The following ACTR6 variants were observed in gnomAD, a reference collection of about 807,000 sequenced individuals.
ACTR6 encodes actin-related protein 6.
ACTR6 carries 50 observed loss-of-function variants against 52.5 expected under a neutral mutation model. That is an observed-to-expected ratio of 0.95 (90% CI 0.76 to 1.20). The LOEUF (loss-of-function observed/expected upper bound fraction) is 1.20. Among genes scored for constraint, ACTR6 ranks in the 50% most tolerant of loss-of-function variants. ACTR6 has a pLI of 0.00. For synonymous variants in ACTR6, 135 were observed against 147.2 expected, an observed-to-expected ratio of 0.92 and a Z score of 0.60; for missense variants, 344 against 472.4, an observed-to-expected ratio of 0.73 and a Z score of 2.52.
At chr12:100,204,375 T>C (rs1260639823) in intron 1 of ACTR6, 1 of 152,246 alleles carries the variant, frequency 6.6e-6, no homozygotes, top group African/African-American at 2.4e-5. Context: ...TTATTATTAG[T>C]TTTGAGACTG....
chr12:100,210,049 A>C lies in ACTR6; in HGVS notation c.380-24A>C, dbSNP rs191867111. ...TTAAATTAGTGTTATATTTTTGTTC[A>C]CTTTTTTATCTTTTTTTAAATAGCT... On this transcript the variant is annotated intron_variant, in intron 4 of 10. Transcript: ENST00000188312. The C allele has an allele frequency of 4.3e-4, 670 of 1,550,414 alleles. No individual in the cohort carries two copies. In the African/African-American group the frequency reaches 8.2e-3, roughly 19 times the overall value.
intron 10 of ACTR6, among the ~76,000 whole-genome samples, chr12:100,223,352 G>A (rs1222155003): frequency 4.0e-5 from 6 of 151,578 alleles, no homozygotes; most frequent in Admixed American, 3.3e-4. Context: ...AAAAAAAAAA[G>A]AAAGAAAGTG....
rs1592844909 is a variant in ACTR6, at chr12:100,216,043, A to C, written c.751-2372A>C. ...CTTATCAGAAAGAGGAAGCCTACTA[A>C]TGTATAATGAATTCGACTGACCTAA... On this transcript the variant is annotated intron_variant, in intron 8 of 10. Coordinates refer to ENST00000188312, the MANE Select transcript of ACTR6 (RefSeq NM_022496.5). Among the ~76,000 whole-genome samples the C allele has an allele frequency of 2.0e-5, 3 of 152,366 alleles. No homozygotes were observed. In the South Asian group the frequency reaches 6.2e-4, roughly 32 times the overall value.
At position 100,224,300 on chromosome 12, in the gene ACTR6, T is replaced by C. The variant is rs532489751; in HGVS notation, c.*385T>C. ...GTGACTAAACTATTTTATTTTAAAATGTCATTCTTATTTATACATTCTAAA... is the reference window on the plus strand; with the variant it reads ...GTGACTAAACTATTTTATTTTAAAACGTCATTCTTATTTATACATTCTAAA... On this transcript the variant is annotated 3_prime_UTR_variant, in exon 11 of 11. Transcript: ENST00000188312. The C allele has an allele frequency of 6.2e-6, 1 of 160,398 alleles. No individual in the cohort carries two copies. Among genetic ancestry groups the C allele is most frequent in the East Asian group, 1.9e-4 (1 of 5,296 alleles). The allele number at this position is 160,398 out of a possible 1,614,324, so 9.9% of individuals were successfully genotyped here.
At chr12:100,204,670 T>A (rs558370332) in intron 1 of ACTR6, among the ~76,000 whole-genome samples, 1 of 152,316 alleles carries the variant, frequency 6.6e-6, no homozygotes, top group African/African-American at 2.4e-5. Context: ...CAGCCTTATT[T>A]TTTATTTTTG....
At chr12:100,208,581 C>T (rs1211216163) in intron 4 of ACTR6, among the ~76,000 whole-genome samples, 1 of 152,094 alleles carries the variant, frequency 6.6e-6, no homozygotes, top group African/African-American at 2.4e-5. Flanking sequence ...GTTTTGGAAT[C>T]TTAAAACTAA....
chr12:100,206,213 TCATGCCTGTAATCC>T (rs1275517168), intron 3 of ACTR6: 1 of 152,366 alleles, frequency 6.6e-6, no homozygotes, highest in African/African-American at 2.4e-5. Flanking sequence ...GCGCAGTGGC[TCATGCCTGTAATCC>T]CAGCACTTTG....
At chr12:100,205,186 TAA>T in intron 2 of ACTR6, 129 bp downstream of exon 2, 1 of 574,982 alleles carries the variant, frequency 1.7e-6, no homozygotes, top group Non-Finnish European at 2.9e-6. Context: ...AATTAAAATT[TAA>T]TTGTTTGGGT....
intron 8 of ACTR6, among the ~76,000 whole-genome samples, chr12:100,213,175 C>T (rs2096121368): frequency 6.6e-6 from 1 of 152,058 alleles, no homozygotes; most frequent in Admixed American, 6.6e-5. Flanking sequence ...TCACTATAGC[C>T]TTTACCTCCC....
chr12:100,210,452 C>A, intron 6 of ACTR6, 101 bp downstream of exon 6: 2 of 1,268,540 alleles, frequency 1.6e-6, no homozygotes, highest in African/African-American at 1.5e-5. Flanking sequence ...GTCATTGTGA[C>A]TCACGCCTGT....
At chr12:100,201,031 TAGCC>T in intron 1 of ACTR6, 112 bp downstream of exon 1, 1 of 1,567,474 alleles carries the variant, frequency 6.4e-7, no homozygotes, top group Non-Finnish European at 8.7e-7. Flanking sequence ...GGCCCTGACT[TAGCC>T]AGAGGGATTC....
intron 1 of ACTR6, among the ~76,000 whole-genome samples, chr12:100,201,321 C>G (rs989482538): frequency 6.6e-6 from 1 of 152,168 alleles, no homozygotes; most frequent in Admixed American, 6.6e-5. Context: ...CTATGACCCT[C>G]CAAAAGTCTA....
At chr12:100,214,005 G>A (rs191753142) in intron 8 of ACTR6, among the ~76,000 whole-genome samples, 87 of 152,204 alleles carry the variant, frequency 5.7e-4, no homozygotes, top group Admixed American at 1.3e-3. Context: ...TGATATGTTC[G>A]TATAGTAAAA....
chr12:100,212,372 C>T lies in ACTR6; in HGVS notation c.671+18C>T. On this transcript the variant is annotated intron_variant, in intron 7 of 10. Coordinates refer to ENST00000188312, the MANE Select transcript of ACTR6 (RefSeq NM_022496.5). The stretch of plus-strand genomic sequence containing the variant: ...ATTGCAAAGTATGTATAATGACAAT[C>T]TAAGAATTGGAAAGTAGATTGTTAG... 2 of 1,597,312 alleles carry T rather than the reference C, an allele frequency of 1.3e-6. No homozygotes were observed. The highest frequency in any genetic ancestry group is 8.6e-7 in the Non-Finnish European group (1 of 1,165,818).
chr12:100,217,401 T>C (rs931684959), intron 8 of ACTR6, among the ~76,000 whole-genome samples: 1 of 152,228 alleles, frequency 6.6e-6, no homozygotes, highest in Non-Finnish European at 1.5e-5. Context: ...TGGCTGATTA[T>C]ATTAAGGGAC....
At chr12:100,220,233 C>A (rs1397904068) in intron 10 of ACTR6, 87 bp downstream of exon 10, 4 of 1,337,656 alleles carry the variant, frequency 3.0e-6, no homozygotes, top group Non-Finnish European at 3.1e-6. Flanking sequence ...ACCTGGCTCT[C>A]CCACGGTGGC....
At chr12:100,221,402 T>C (rs1190732105) in intron 10 of ACTR6, among the ~76,000 whole-genome samples, 2 of 152,212 alleles carry the variant, frequency 1.3e-5, no homozygotes, top group Non-Finnish European at 2.9e-5. Context: ...TTTAAAAATA[T>C]TGGGATGATT....
At chr12:100,205,134 C>A in intron 2 of ACTR6, 77 bp downstream of exon 2, 1 of 880,832 alleles carries the variant, frequency 1.1e-6, no homozygotes, top group South Asian at 2.0e-5. Context: ...ATATAAAAGG[C>A]TGTGTGTAAC....
chr12:100,205,864 A>G lies in ACTR6; in HGVS notation c.255+120A>G, dbSNP rs555911325. ...AATGTTCTCCGCACATTTAAAATAA[A>G]TAATAAATGCAAGTGAATAAAATTT... On this transcript the variant is annotated intron_variant, in intron 3 of 10. Coordinates refer to ENST00000188312, the MANE Select transcript of ACTR6 (RefSeq NM_022496.5). 15 of 529,574 alleles carry G rather than the reference A, an allele frequency of 2.8e-5. No homozygotes were observed. In the East Asian group the frequency reaches 5.2e-4, roughly 19 times the overall value. The allele number at this position is 529,574 out of a possible 1,614,324, so 32.8% of individuals were successfully genotyped here. A position where few individuals can be genotyped will look rare whatever the true frequency, so the allele number is the denominator to read the frequency against.
Sources: allele counts gnomAD v4.1 joint callset (sites outside exome capture counted in the v4.1 genomes callset), GRCh38; gene constraint gnomAD v4.1.1; transcripts MANE v1.5; gene names NCBI Gene and HGNC (gene_info 2026-07-23, HGNC 2026-07-21).